Variants in ARHGAP28 observed in about 807,000 individuals in gnomAD.
ARHGAP28 encodes rho GTPase-activating protein 28.
Under a neutral mutation model 90.7 loss-of-function variants are expected in ARHGAP28, and 56 were observed. That is an observed-to-expected ratio of 0.62 (90% confidence interval 0.50 to 0.77). The LOEUF (loss-of-function observed/expected upper bound fraction) is 0.77. Ranked by LOEUF, ARHGAP28 falls within the 30% of genes least tolerant of loss-of-function variation. ARHGAP28 has a pLI of 0.00. For missense variants in ARHGAP28, 869 were observed against 900.9 expected (o/e 0.96, Z 0.45); for synonymous variants, 308 against 323.3 (o/e 0.95, Z 0.51).
intron 1 of ARHGAP28, among the ~76,000 whole-genome samples, chr18:6,793,418 C>G (rs2056419807): frequency 6.6e-6 from 1 of 152,114 alleles, no homozygotes; most frequent in Non-Finnish European, 1.5e-5. Context: ...TTATGTTCTT[C>G]TTCTGCATTC....
intron 1 of ARHGAP28, among the ~76,000 whole-genome samples, chr18:6,767,816 C>G (rs185066570): frequency 7.1e-4 from 108 of 152,212 alleles, no homozygotes; most frequent in Non-Finnish European, 1.2e-3. Flanking sequence ...TATCTTTCTT[C>G]GAGTTCACTG....
chr18:6,886,525 A>C (rs903202503), intron 11 of ARHGAP28, among the ~76,000 whole-genome samples: 3 of 152,214 alleles, frequency 2.0e-5, no homozygotes, highest in African/African-American at 7.2e-5. Context: ...AAGATCTAGA[A>C]TAAGTGTCAT....
intron 1 of ARHGAP28, among the ~76,000 whole-genome samples, chr18:6,741,590 C>T (rs1222913184): frequency 6.6e-6 from 1 of 152,172 alleles, no homozygotes; most frequent in Non-Finnish European, 1.5e-5. Context: ...CATGATACTC[C>T]TCTTATCCAG....
At chr18:6,789,819 G>A (rs2056392974) in intron 1 of ARHGAP28, 1 of 147,118 alleles carries the variant, frequency 6.8e-6, no homozygotes, top group South Asian at 2.1e-4. Context: ...TGTTTCTTTT[G>A]TTTGTTTGTT....
At chr18:6,869,677 T>C (rs1391005116) in intron 6 of ARHGAP28, among the ~76,000 whole-genome samples, 2 of 152,250 alleles carry the variant, frequency 1.3e-5, no homozygotes, top group Admixed American at 1.3e-4. Context: ...CTAATTTTAA[T>C]GTAAAATTAA....
intron 1 of ARHGAP28, among the ~76,000 whole-genome samples, chr18:6,756,051 C>T (rs2056106975): frequency 6.6e-6 from 1 of 152,182 alleles, no homozygotes; most frequent in Non-Finnish European, 1.5e-5. Context: ...GGGATCCTGG[C>T]TCTTCTACTG....
At chr18:6,814,730 A>C (rs920885051) in intron 1 of ARHGAP28, among the ~76,000 whole-genome samples, 1 of 152,210 alleles carries the variant, frequency 6.6e-6, no homozygotes, top group African/African-American at 2.4e-5. Flanking sequence ...TAATCAAAAT[A>C]TATACTGCAA....
At chr18:6,827,410 G>C (rs1413613071) in intron 2 of ARHGAP28, among the ~76,000 whole-genome samples, 2 of 145,526 alleles carry the variant, frequency 1.4e-5, no homozygotes, top group Non-Finnish European at 3.0e-5. Context: ...TGGCCGGGAG[G>C]GGGGTTGACC....
intron 3 of ARHGAP28, among the ~76,000 whole-genome samples, chr18:6,838,581 C>A (rs966394244): frequency 2.6e-5 from 4 of 152,200 alleles, no homozygotes; most frequent in Admixed American, 1.3e-4. Flanking sequence ...GCTCCAGATA[C>A]ATATGACTAC....
At position 6,754,476 on chromosome 18, in the gene ARHGAP28, C is replaced by T. The variant is rs146709318; in HGVS notation, c.122+24533C>T. On this transcript the variant is annotated intron_variant, in intron 1 of 17. Coordinates refer to ENST00000383472, the MANE Select transcript of ARHGAP28 (RefSeq NM_001366230.1). ...GAGCATTGTCAAAATTCTCAAATCA[C>T]GGAGTAGGATAGAGTTGGCAGTTGT... Among the ~76,000 whole-genome samples, 774 of 152,218 alleles carry T rather than the reference C, an allele frequency of 5.1e-3. 8 individuals are homozygous for T. Among genetic ancestry groups the T allele is most frequent in the African/African-American group, 0.017 (722 of 41,532 alleles).
At chr18:6,753,911 T>A (rs1215233555) in intron 1 of ARHGAP28, among the ~76,000 whole-genome samples, 2 of 152,226 alleles carry the variant, frequency 1.3e-5, no homozygotes, top group African/African-American at 4.8e-5. Context: ...CCATGCTAAC[T>A]TTTTGTGACT....
chr18:6,821,348 A>G (rs949269861), intron 1 of ARHGAP28, among the ~76,000 whole-genome samples: 4 of 152,216 alleles, frequency 2.6e-5, no homozygotes, highest in African/African-American at 9.6e-5. Flanking sequence ...TTTTCCAACA[A>G]AAGTTTCTGT....
intron 1 of ARHGAP28, among the ~76,000 whole-genome samples, chr18:6,761,890 G>A (rs2056162844): frequency 6.6e-6 from 1 of 152,128 alleles, no homozygotes; most frequent in African/African-American, 2.4e-5. Flanking sequence ...ATATAGAGTT[G>A]TTGGCACACT....
chr18:6,900,553 T>G (rs2057332939), intron 16 of ARHGAP28, among the ~76,000 whole-genome samples: 1 of 151,676 alleles, frequency 6.6e-6, no homozygotes, highest in Admixed American at 6.6e-5. Flanking sequence ...AGTAGTAGGG[T>G]GAAGATAACA....
chr18:6,867,857 G>A (rs1263479860), intron 5 of ARHGAP28, among the ~76,000 whole-genome samples: 2 of 152,106 alleles, frequency 1.3e-5, no homozygotes, highest in African/African-American at 4.8e-5. Context: ...TGTGATGTCA[G>A]GAATCATAAT....
At chr18:6,830,659 T>C (rs1182368788) in intron 2 of ARHGAP28, among the ~76,000 whole-genome samples, 1 of 152,234 alleles carries the variant, frequency 6.6e-6, no homozygotes, top group African/African-American at 2.4e-5. Flanking sequence ...CTCATCCTTT[T>C]ATGGCTGCAT....
chr18:6,837,045 G>A (rs1485155447), intron 2 of ARHGAP28, 152 bp from the exon 3 acceptor site: 2 of 638,276 alleles, frequency 3.1e-6, no homozygotes, highest in Non-Finnish European at 5.3e-6. Context: ...AAAATACAGT[G>A]CAGACTTTCA....
intron 5 of ARHGAP28, among the ~76,000 whole-genome samples, chr18:6,867,224 A>G (rs74886905): frequency 0.033 from 5,016 of 152,266 alleles, 296 homozygotes; most frequent in African/African-American, 0.11. Context: ...TCAGAATTCA[A>G]GACCCCTTTG....
At chr18:6,841,170 C>CTTTCTCCCTCTCCTCTCTCTCTCTT (rs879289822) in intron 3 of ARHGAP28, among the ~76,000 whole-genome samples, 1 of 81,122 alleles carries the variant, frequency 1.2e-5, no homozygotes, top group Non-Finnish European at 2.5e-5. Flanking sequence ...TCTCTCTCCT[C>CTTTCTCCCTCTCCTCTCTCTCTCTT]TCTCTCTCTC....
Sources: allele counts gnomAD v4.1 joint callset (sites outside exome capture counted in the v4.1 genomes callset), GRCh38; gene constraint gnomAD v4.1.1; transcripts MANE v1.5; gene names NCBI Gene and HGNC (gene_info 2026-07-23, HGNC 2026-07-21).